THAP12: variants seen among roughly 807,000 people sequenced by gnomAD.
THAP12 encodes the protein 52 kDa repressor of the inhibitor of the protein kinase.
A neutral mutation model predicts 63.0 loss-of-function variants in THAP12; 20 were observed. That is an observed-to-expected ratio of 0.32 (90% CI 0.22 to 0.46). The LOEUF is 0.46. Ranked by LOEUF, THAP12 falls within the 20% of genes least tolerant of loss-of-function variation. The probability of loss-of-function intolerance (pLI) is 1.00; values close to 1 mark genes in which losing one functional copy is unlikely to be tolerated. For synonymous variants in THAP12, 264 were observed against 328.4 expected, an observed-to-expected ratio of 0.80 and a Z score of 2.12; for missense variants, 568 against 908.2, an observed-to-expected ratio of 0.63 and a Z score of 4.81.
intron 4 of THAP12, among the ~76,000 whole-genome samples, chr11:76,355,142 C>T (rs548553332): frequency 6.6e-6 from 1 of 152,350 alleles, no homozygotes; most frequent in South Asian, 2.1e-4. Context: ...TTCTAGCCCT[C>T]GTCCTTTGGT....
At chr11:76,365,515 C>T (rs146182989) in intron 2 of THAP12, among the ~76,000 whole-genome samples, 3,455 of 152,088 alleles carry the variant, frequency 0.023, 55 homozygotes, top group Non-Finnish European at 0.036. Context: ...TCCCAAGTAG[C>T]TGGGACTACA....
chr11:76,376,954 T>C (rs1366518983), intron 1 of THAP12, among the ~76,000 whole-genome samples: 1 of 152,174 alleles, frequency 6.6e-6, no homozygotes, highest in Admixed American at 6.5e-5. Flanking sequence ...TAACGCATAA[T>C]GGGGCAAGGC....
rs188086973 is a variant in THAP12 at position 76,365,470 on chromosome 11, G to A, written c.210+382C>T. On this transcript the variant is annotated intron_variant, in intron 2 of 4. Coordinates refer to ENST00000260045, the MANE Select transcript of THAP12 (RefSeq NM_004705.4). ...CATGAACACAACTCTCTGCAGCCCC[G>A]ACGTCATGGGCTCAAGTATCCTCCC... Among the ~76,000 whole-genome samples the A allele has an allele frequency of 4.7e-4, 71 of 151,956 alleles. 1 individual carries two copies. Among genetic ancestry groups the A allele is most frequent in the African/African-American group, 1.6e-3 (66 of 41,426 alleles).
At chr11:76,366,542 G>A (rs901018921) in intron 1 of THAP12, among the ~76,000 whole-genome samples, 46 of 152,264 alleles carry the variant, frequency 3.0e-4, no homozygotes, top group African/African-American at 1.1e-3. Flanking sequence ...TTAGCTGGGC[G>A]AAGCGGCGAG....
intron 2 of THAP12, among the ~76,000 whole-genome samples, chr11:76,364,862 G>A (rs571677085): frequency 2.0e-5 from 3 of 152,112 alleles, no homozygotes; most frequent in Admixed American, 6.5e-5. Flanking sequence ...GCTCCATTCC[G>A]AGATGAAAAT....
At chr11:76,362,715 TAAG>T (rs1191445568) in intron 2 of THAP12, among the ~76,000 whole-genome samples, 3 of 152,106 alleles carry the variant, frequency 2.0e-5, no homozygotes, top group South Asian at 2.1e-4. Context: ...AATTATTAAA[TAAG>T]GAGGGGAGGA....
rs758332014 is a variant in THAP12, at chr11:76,352,026, A to G, written c.1124T>C (p.Met375Thr). ...NMWLAKSVPVMGVSVALGTIE... is the reference protein window; with the variant it reads ...NMWLAKSVPVTGVSVALGTIE... ...TGTTCCTAATGCAACAGATACTCCC[A>G]TAACAGGTACTGATTTTGCCAACCA... Residue 375 changes from methionine to threonine, a missense_variant, in exon 5 of 5, where the codon ATG (methionine) becomes ACG (threonine). Transcript: ENST00000260045. The G allele has an allele frequency of 3.1e-6, 5 of 1,611,216 alleles. No homozygotes were observed. Among genetic ancestry groups the G allele is most frequent in the South Asian group, 1.1e-5 (1 of 90,916 alleles).
intron 1 of THAP12, among the ~76,000 whole-genome samples, chr11:76,377,183 T>C (rs115317331): frequency 0.024 from 3,716 of 152,320 alleles, 163 homozygotes; most frequent in African/African-American, 0.085. Context: ...AATTTCCGGT[T>C]TGAAAGTCTC....
Position 76,380,758 on chromosome 11 carries a change from C to T in THAP12, c.79G>A (p.Asp27Asn). The change falls in exon 1 of 5, where the codon GAC becomes AAC. Residue 27 changes from aspartate (D) to asparagine (N), a missense_variant. Physicochemically the swap from Asp to Asn is conservative, Grantham distance 23. Coordinates refer to ENST00000260045, the MANE Select transcript of THAP12 (RefSeq NM_004705.4). ...SDLAFFRFPRDPARCQKWVEN... is the reference protein window; with the variant it reads ...SDLAFFRFPRNPARCQKWVEN... ...GCGCCCGCCGCTTACCTGGCAGGGT[C>T]CCGCGGGAACCTGAAGAAGGCCAAG... The T allele has an allele frequency of 2.1e-6, 3 of 1,455,568 alleles. No homozygotes were observed. Among genetic ancestry groups the T allele is most frequent in the Non-Finnish European group, 2.7e-6 (3 of 1,097,052 alleles). The allele number at this position is 1,455,568 out of a possible 1,614,324, so 90.2% of individuals were successfully genotyped here.
At position 76,351,170 on chromosome 11, in the gene THAP12, G is replaced by A; in HGVS notation, c.1980C>T (p.Ser660=). The A allele has an allele frequency of 6.3e-7, 1 of 1,590,918 alleles. No individual in the cohort carries two copies. The highest frequency in any genetic ancestry group is 1.1e-5 in the South Asian group (1 of 87,468). Residue 660 remains serine, a synonymous_variant, in exon 5 of 5, where the codon TCC becomes TCT. Transcript: ENST00000260045. Reference sequence around the variant, plus strand: ...GCAGGTGGAGGGCTTCATAGATGGTGGACGGAAGCTCTATATCTTTCCCCC... The same window carrying A: ...GCAGGTGGAGGGCTTCATAGATGGTAGACGGAAGCTCTATATCTTTCCCCC... ...KHRGKDIELP[S]TIYEALHLPD...
intron 2 of THAP12, among the ~76,000 whole-genome samples, chr11:76,365,208 G>C (rs1946622772): frequency 6.6e-6 from 1 of 151,792 alleles, no homozygotes; most frequent in Admixed American, 6.6e-5. Context: ...CTTGAGCCCA[G>C]GAGGTGGGGG....
At chr11:76,378,246 C>T (rs967839695) in intron 1 of THAP12, among the ~76,000 whole-genome samples, 2 of 151,850 alleles carry the variant, frequency 1.3e-5, no homozygotes, top group Non-Finnish European at 2.9e-5. Flanking sequence ...TGGCGAAACC[C>T]CGTCTTGACT....
At position 76,351,971 on chromosome 11, in the gene THAP12, T is replaced by A. The variant is rs768204770; in HGVS notation, c.1179A>T (p.Arg393=). ...CAAGTTCTAAAAGCAGTTGTGGTGA[T>A]CGATGGAAAAAAGAACAAACTTCCT... ...TIEEVCSFFH[R]SPQLLLELDN... The change falls in exon 5 of 5, where the codon CGA becomes CGT. Residue 393 remains arginine (R), a synonymous_variant. Transcript: ENST00000260045. 1 of 1,605,422 alleles carries A rather than the reference T, an allele frequency of 6.2e-7. No individual in the cohort carries two copies. The highest frequency in any genetic ancestry group is 8.5e-7 in the Non-Finnish European group (1 of 1,177,590).
intron 1 of THAP12, among the ~76,000 whole-genome samples, chr11:76,379,979 G>A (rs1946740171): frequency 6.6e-6 from 1 of 152,166 alleles, no homozygotes; most frequent in African/African-American, 2.4e-5. Context: ...TGAACTCCCA[G>A]CACCTAACAT....
Position 76,352,016 on chromosome 11 carries a change from A to G in THAP12, c.1134T>C (p.Ser378=), listed in dbSNP as rs764956839. The change falls in exon 5 of 5, where the codon TCT becomes TCC. Residue 378 remains serine (S), a synonymous_variant. Transcript: ENST00000260045. ...CTTCCTCAATTGTTCCTAATGCAAC[A>G]GATACTCCCATAACAGGTACTGATT... ...LAKSVPVMGV[S]VALGTIEEVC... is the part of the protein sequence containing the mutation. 2 of 1,610,224 alleles carry G rather than the reference A, an allele frequency of 1.2e-6. No individual in the cohort carries two copies. The highest frequency in any genetic ancestry group is 1.7e-5 in the Admixed American group (1 of 59,802).
rs1276371067 is a variant in THAP12 at position 76,350,463 on chromosome 11, T to C, written c.*401A>G. The C allele has an allele frequency of 1.9e-5, 3 of 155,026 alleles. No homozygotes were observed. Among genetic ancestry groups the C allele is most frequent in the Admixed American group, 6.5e-5 (1 of 15,382 alleles). The allele number at this position is 155,026 out of a possible 1,614,324, so 9.6% of individuals were successfully genotyped here. A position where few individuals can be genotyped will look rare whatever the true frequency, so the allele number is the denominator to read the frequency against. On this transcript the variant is annotated 3_prime_UTR_variant, in exon 5 of 5. Coordinates refer to ENST00000260045, the MANE Select transcript of THAP12 (RefSeq NM_004705.4). ...AAAACTCCTATTAGTCAAAGGTCAA[T>C]TGTGGGCTTCACTACAACATTTTAT...
Position 76,355,639 on chromosome 11 carries a change from T to C in THAP12, c.334A>G (p.Arg112Gly). ...RIKELSEDEIRTLKQKKIDET... is the reference protein window; with the variant it reads ...RIKELSEDEIGTLKQKKIDET... ...TTACTTTTTTTCTGTTTCAGTGTCCTGATTTCATCTTCACTCTAAATGTCA... is the reference window on the plus strand; with the variant it reads ...TTACTTTTTTTCTGTTTCAGTGTCCCGATTTCATCTTCACTCTAAATGTCA... The change falls in exon 4 of 5, where the codon AGG becomes GGG. Residue 112 changes from arginine (R) to glycine (G), a missense_variant. Physicochemically the swap from Arg to Gly is moderately radical, Grantham distance 125 (BLOSUM62 -2). Coordinates refer to ENST00000260045, the MANE Select transcript of THAP12 (RefSeq NM_004705.4). The C allele has an allele frequency of 6.3e-7, 1 of 1,595,090 alleles. No homozygotes were observed. The highest frequency in any genetic ancestry group is 1.3e-5 in the African/African-American group (1 of 74,150).
At chr11:76,379,799 G>A (rs7948288) in intron 1 of THAP12, among the ~76,000 whole-genome samples, 1 of 151,660 alleles carries the variant, frequency 6.6e-6, no homozygotes, top group Admixed American at 6.6e-5. Flanking sequence ...CAAGGACTTC[G>A]ATTTGTTCAT....
rs947545825 is a variant in THAP12, at chr11:76,352,000, T to C, written c.1150A>G (p.Ile384Val). 1.3e-5 allele frequency: 21 copies of C among 1,608,674 alleles called. No individual in the cohort carries two copies. The highest frequency in any genetic ancestry group is 1.6e-5 in the Non-Finnish European group (19 of 1,178,646). ...TGGAAAAAAGAACAAACTTCCTCAA[T>C]TGTTCCTAATGCAACAGATACTCCC... The part of the protein sequence containing the change: ...VMGVSVALGT[I>V]EEVCSFFHRS... Residue 384 changes from isoleucine to valine, a missense_variant, in exon 5 of 5, where the codon ATT becomes GTT. Transcript: ENST00000260045.
Sources: gnomAD v4.1 joint callset for allele counts (sites outside exome capture counted in the v4.1 genomes callset) on GRCh38, gnomAD v4.1.1 for gene constraint, MANE v1.5 for transcripts, NCBI Gene and HGNC (gene_info 2026-07-23, HGNC 2026-07-21) for gene names.